PPP6C: variants seen among roughly 807,000 people sequenced by gnomAD.
The protein encoded by PPP6C is protein phosphatase 6 catalytic subunit.
Under a neutral mutation model 39.8 loss-of-function variants are expected in PPP6C, and 11 were observed. That is an observed-to-expected ratio of 0.28 (90% CI 0.17 to 0.46). The LOEUF is 0.46. PPP6C is among the 20% of genes least tolerant of loss of function. The pLI, the probability that PPP6C is intolerant of heterozygous loss-of-function variation, is 1.00. For synonymous variants in PPP6C, 129 were observed against 130.3 expected, an observed-to-expected ratio of 0.99 and a Z score of 0.07; for missense variants, 211 against 373.9, an observed-to-expected ratio of 0.56 and a Z score of 3.59.
chr9:125,178,426 CGCTT>C (rs1302200465), intron 1 of PPP6C, among the ~76,000 whole-genome samples: 44 of 148,222 alleles, frequency 3.0e-4, no homozygotes, highest in African/African-American at 1.1e-3. Context: ...TCTTTTCATA[CGCTT>C]ATTTGTCATC....
At chr9:125,160,614 G>A (rs1159591105) in intron 3 of PPP6C, among the ~76,000 whole-genome samples, 1 of 152,148 alleles carries the variant, frequency 6.6e-6, no homozygotes, top group African/African-American at 2.4e-5. Flanking sequence ...GCATGATTGT[G>A]AGGCCTCTCC....
intron 1 of PPP6C, among the ~76,000 whole-genome samples, chr9:125,186,796 G>A (rs1225163954): frequency 6.6e-6 from 1 of 151,452 alleles, no homozygotes; most frequent in Non-Finnish European, 1.5e-5. Context: ...GAAAAAAAAA[G>A]AAACAAATAC....
chr9:125,181,161 T>C (rs570338387), intron 1 of PPP6C, among the ~76,000 whole-genome samples: 1 of 152,220 alleles, frequency 6.6e-6, no homozygotes, highest in African/African-American at 2.4e-5. Flanking sequence ...CGTGACTCAA[T>C]CAACTACACT....
At chr9:125,172,967 T>C (rs1829208052) in intron 1 of PPP6C, among the ~76,000 whole-genome samples, 1 of 152,136 alleles carries the variant, frequency 6.6e-6, no homozygotes, top group African/African-American at 2.4e-5. Flanking sequence ...TAATTAATTA[T>C]AAAATTCAAA....
intron 2 of PPP6C, among the ~76,000 whole-genome samples, chr9:125,168,067 G>T (rs1829064901): frequency 6.6e-6 from 1 of 152,140 alleles, no homozygotes; most frequent in Admixed American, 6.5e-5. Flanking sequence ...GTATATTCTA[G>T]TGTCATTCCC....
At position 125,160,898 on chromosome 9, in the gene PPP6C, G is replaced by A. The variant is rs774781325; in HGVS notation, c.180C>T (p.Asp60=). The change falls in exon 3 of 7, where the codon GAC becomes GAT. Residue 60 remains aspartate, a synonymous_variant. Coordinates refer to ENST00000373547, the MANE Select transcript of PPP6C (RefSeq NM_002721.5). The part of the protein sequence containing the change: ...VCGDIHGQFY[D]LCELFRTGGQ... ...CTCCAGTTCTGAACAGTTCACAAAGGTCATAAAACTATAAAAGAAATGCAA... is the reference window on the plus strand; with the variant it reads ...CTCCAGTTCTGAACAGTTCACAAAGATCATAAAACTATAAAAGAAATGCAA... 1 of 1,572,038 alleles carries A rather than the reference G, an allele frequency of 6.4e-7. No homozygotes were observed.
chr9:125,164,214 CTCTCT>C (rs1828960316), intron 2 of PPP6C, among the ~76,000 whole-genome samples: 1 of 128,372 alleles, frequency 7.8e-6, no homozygotes, highest in Non-Finnish European at 1.7e-5. Context: ...CTCTCCCTCA[CTCTCT>C]TTTTTTTTTT....
In PPP6C at chr9:125,153,544, C is replaced by T; in HGVS notation, c.658G>A (p.Val220Ile). ...RGAGWLFGAK[V>I]TNEFVHINNL... is the part of the protein sequence containing the mutation. Reference sequence around the variant, plus strand: ...AATGTTGGCTTTACCTCATTTGTGACCTTTGCTCCAAAAAGCCAACCTGCT... The same window carrying T: ...AATGTTGGCTTTACCTCATTTGTGATCTTTGCTCCAAAAAGCCAACCTGCT... The change falls in exon 6 of 7, where the codon GTC becomes ATC. Residue 220 changes from valine to isoleucine, a missense_variant. By Grantham distance (29) the Val-to-Ile change is conservative. Transcript: ENST00000373547. 1 of 1,614,100 alleles carries T rather than the reference C, an allele frequency of 6.2e-7. No individual in the cohort carries two copies. Among genetic ancestry groups the T allele is most frequent in the East Asian group, 2.2e-5 (1 of 44,884 alleles).
At position 125,177,358 on chromosome 9, in the gene PPP6C, G is replaced by T. The variant is rs770524362; in HGVS notation, c.76-6178C>A. ...CACTGCACTCCAGCCTGGGGTGACA[G>T]CAAGACTCTGTCTCAAAACAAACAA... On this transcript the variant is annotated intron_variant, in intron 1 of 6. Coordinates refer to ENST00000373547, the MANE Select transcript of PPP6C (RefSeq NM_002721.5). Among the ~76,000 whole-genome samples the T allele has an allele frequency of 2.2e-4, 33 of 146,948 alleles. 1 individual carries two copies. Among genetic ancestry groups the T allele is most frequent in the Non-Finnish European group, 4.2e-4 (28 of 66,440 alleles).
chr9:125,178,426 C>T (rs1019253031), intron 1 of PPP6C, among the ~76,000 whole-genome samples: 3 of 148,104 alleles, frequency 2.0e-5, no homozygotes, highest in South Asian at 2.2e-4. Flanking sequence ...TCTTTTCATA[C>T]GCTTATTTGT....
chr9:125,161,217 T>G (rs1315812899), intron 2 of PPP6C, among the ~76,000 whole-genome samples: 1 of 152,166 alleles, frequency 6.6e-6, no homozygotes, highest in South Asian at 2.1e-4. Flanking sequence ...AATTTCTCAG[T>G]AAGCTAATCT....
chr9:125,170,299 C>A (rs573324043), intron 2 of PPP6C, among the ~76,000 whole-genome samples: 1 of 150,566 alleles, frequency 6.6e-6, no homozygotes, highest in Non-Finnish European at 1.5e-5. Context: ...TGCAGTGGTG[C>A]GGTCTCGGCT....
At chr9:125,179,390 G>A (rs1290335572) in intron 1 of PPP6C, among the ~76,000 whole-genome samples, 1 of 152,106 alleles carries the variant, frequency 6.6e-6, no homozygotes, top group African/African-American at 2.4e-5. Context: ...TCTTTCAAGA[G>A]CAGATTGTTT....
chr9:125,189,781 G>C lies in PPP6C; in HGVS notation c.-63C>G, dbSNP rs1455211249. On this transcript the variant is annotated 5_prime_UTR_variant, in exon 1 of 7. Coordinates refer to ENST00000373547, the MANE Select transcript of PPP6C (RefSeq NM_002721.5). The stretch of plus-strand genomic sequence containing the variant: ...GGCTGTAGCAGCGGCGGCGGCAGCG[G>C]CGGAGGCCGAAGCCGGAACTTTCCC... 5.2e-6 allele frequency: 8 copies of C among 1,533,924 alleles called. No individual in the cohort carries two copies. The highest frequency in any genetic ancestry group is 6.1e-6 in the Non-Finnish European group (7 of 1,142,370).
In PPP6C at chr9:125,149,724, T is replaced by C; in HGVS notation, c.867A>G (p.Pro289=). 6.2e-7 allele frequency: 1 copy of C among 1,614,180 alleles called. No homozygotes were observed. Among genetic ancestry groups the C allele is most frequent in the Non-Finnish European group, 8.5e-7 (1 of 1,180,028 alleles). ...TGGGAGGAATAACACGTTCTGAATC[T>C]GGAACTGCCCGGAATAACTTTGGTT... ...TREPKLFRAV[P]DSERVIPPRT... Residue 289 remains proline (P), a synonymous_variant, in exon 7 of 7, where the codon CCA becomes CCG. Transcript: ENST00000373547.
chr9:125,165,944 G>A lies in PPP6C; in HGVS notation c.172-5038C>T, dbSNP rs115528841. 9.3e-3 allele frequency among the ~76,000 whole-genome samples: 1,410 copies of A among 151,776 alleles called. 16 individuals carry two copies. The highest frequency in any genetic ancestry group is 0.015 in the African/African-American group (633 of 41,386). On this transcript the variant is annotated intron_variant, in intron 2 of 6. Coordinates refer to ENST00000373547, the MANE Select transcript of PPP6C (RefSeq NM_002721.5). ...CCTAAGTAGCCGAGATTACAGGCAC[G>A]TACCTCCACACCTGGCTAATTTTTG...
At chr9:125,155,419 A>G (rs1267272011) in intron 4 of PPP6C, among the ~76,000 whole-genome samples, 1 of 152,202 alleles carries the variant, frequency 6.6e-6, no homozygotes, top group African/African-American at 2.4e-5. Flanking sequence ...ATTGTTATGT[A>G]AACTTGCCAT....
intron 4 of PPP6C, 133 bp from the exon 5 acceptor site, chr9:125,154,118 A>G (rs759529400): frequency 5.9e-6 from 4 of 682,784 alleles, no homozygotes; most frequent in Non-Finnish European, 9.9e-6. Flanking sequence ...ACACATATTT[A>G]GTCCTGCTAG....
chr9:125,163,421 A>G (rs1208347021), intron 2 of PPP6C, among the ~76,000 whole-genome samples: 1 of 151,974 alleles, frequency 6.6e-6, no homozygotes, highest in Non-Finnish European at 1.5e-5. Context: ...ATGTTTACAG[A>G]TATGTTTTTT....
Sources: gnomAD v4.1 joint callset for allele counts (sites outside exome capture counted in the v4.1 genomes callset) on GRCh38, gnomAD v4.1.1 for gene constraint, MANE v1.5 for transcripts, NCBI Gene and HGNC (gene_info 2026-07-23, HGNC 2026-07-21) for gene names.